CEP290: variants seen among roughly 807,000 people sequenced by gnomAD.
CEP290 encodes centrosomal protein 290.
Under a neutral mutation model 344.9 loss-of-function variants are expected in CEP290, and 317 were observed. That is an observed-to-expected ratio of 0.92 (90% CI 0.84 to 1.01). The LOEUF (loss-of-function observed/expected upper bound fraction) is 1.01. CEP290 is among the 50% of genes least tolerant of loss of function. The pLI is 0.00. For missense variants in CEP290, 2,754 were observed against 2,761.4 expected (o/e 1.00, Z 0.06); for synonymous variants, 932 against 895.8 (o/e 1.04, Z -0.72).
At chr12:88,138,373 A>G (rs1282748424) in intron 5 of CEP290, among the ~76,000 whole-genome samples, 1 of 152,228 alleles carries the variant, frequency 6.6e-6, no homozygotes, top group Non-Finnish European at 1.5e-5. Context: ...GTATTTATTG[A>G]AAGTGCTTGG....
At chr12:88,129,126 A>T (rs2039910781) in intron 10 of CEP290, 91 bp from the exon 11 acceptor site, 1 of 567,214 alleles carries the variant, frequency 1.8e-6, no homozygotes, top group Non-Finnish European at 2.8e-6. Flanking sequence ...ATATATATAA[A>T]TATATCTACA....
At chr12:88,087,742 A>AC in intron 32 of CEP290, 38 bp downstream of exon 32, 2 of 814,824 alleles carry the variant, frequency 2.5e-6, no homozygotes, top group Non-Finnish European at 3.4e-6. Context: ...AAAAAAAAAA[A>AC]ACTTAGGGAA....
chr12:88,072,102 C>A (rs1276829075), intron 41 of CEP290, among the ~76,000 whole-genome samples, 176 bp from the exon 42 acceptor site: 1 of 152,018 alleles, frequency 6.6e-6, no homozygotes, highest in Non-Finnish European at 1.5e-5. Flanking sequence ...TTGGAACCAG[C>A]CGTGTTTTAG....
intron 35 of CEP290, 80 bp from the exon 36 acceptor site, chr12:88,084,034 C>CT: frequency 1.2e-6 from 1 of 853,386 alleles, no homozygotes; most frequent in Non-Finnish European, 1.8e-6. Context: ...TATATTTTCT[C>CT]TTCAATCTTC....
intron 13 of CEP290, among the ~76,000 whole-genome samples, chr12:88,123,755 A>G (rs898138056): frequency 6.6e-6 from 1 of 152,066 alleles, no homozygotes; most frequent in Non-Finnish European, 1.5e-5. Flanking sequence ...GTTGTCCTAA[A>G]CCTTAAACTT....
At chr12:88,066,566 T>C (rs1052184817) in intron 44 of CEP290, among the ~76,000 whole-genome samples, 1 of 151,830 alleles carries the variant, frequency 6.6e-6, no homozygotes, top group Non-Finnish European at 1.5e-5. Flanking sequence ...CCTCCCAAAG[T>C]GCTGGGATTG....
chr12:88,062,739 T>G lies in CEP290; in HGVS notation c.6310A>C (p.Lys2104Gln). The stretch of plus-strand genomic sequence containing the variant: ...CGCTGAACTTCTGCTTTTTCTTTCT[T>G]AAGAAATTCACACATTTCCTTCAAA... ...RDLKEMCEFL[K>Q]KEKAEVQRKL... Residue 2104 changes from lysine (K) to glutamine (Q), a missense_variant, in exon 46 of 54, where the codon AAG becomes CAG. Transcript: ENST00000552810. 6.3e-7 allele frequency: 1 copy of G among 1,598,374 alleles called. No individual in the cohort carries two copies. Among genetic ancestry groups the G allele is most frequent in the Non-Finnish European group, 8.5e-7 (1 of 1,171,354 alleles).
intron 10 of CEP290, 93 bp downstream of exon 10, chr12:88,129,601 A>G: frequency 1.4e-6 from 1 of 709,534 alleles, no homozygotes; most frequent in Non-Finnish European, 2.2e-6. Flanking sequence ...ACAAAAATTC[A>G]CATCCTAGAA....
intron 52 of CEP290, 135 bp from the exon 53 acceptor site, chr12:88,050,568 A>T: frequency 1.9e-6 from 1 of 518,512 alleles, no homozygotes; most frequent in Non-Finnish European, 3.3e-6. Flanking sequence ...GTTATGGCTG[A>T]AATACTTCAG....
At chr12:88,126,740 G>A (rs887643620) in intron 11 of CEP290, among the ~76,000 whole-genome samples, 5 of 151,906 alleles carry the variant, frequency 3.3e-5, no homozygotes, top group African/African-American at 1.2e-4. Context: ...ATACAACTGT[G>A]AAAAGTTTTA....
chr12:88,108,956 G>T, intron 23 of CEP290, 110 bp downstream of exon 23: 1 of 476,596 alleles, frequency 2.1e-6, no homozygotes, highest in Non-Finnish European at 3.7e-6. Flanking sequence ...AAATACAATT[G>T]CAAAGGAAGA....
intron 51 of CEP290, 131 bp from the exon 52 acceptor site, chr12:88,053,877 C>G (rs1181169802): frequency 1.3e-5 from 7 of 518,900 alleles, no homozygotes; most frequent in Non-Finnish European, 2.0e-5. Flanking sequence ...AACATTTACT[C>G]TCAATGCTAC....
At chr12:88,083,799 T>C (rs2036366029) in intron 36 of CEP290, 48 bp downstream of exon 36, 2 of 1,201,320 alleles carry the variant, frequency 1.7e-6, no homozygotes, top group Admixed American at 2.7e-5. Context: ...TTAATTTACA[T>C]GGTCACAAAA....
intron 11 of CEP290, among the ~76,000 whole-genome samples, chr12:88,127,245 T>G (rs1303343471): frequency 6.6e-6 from 1 of 152,172 alleles, no homozygotes; most frequent in African/African-American, 2.4e-5. Flanking sequence ...TCCAGCACTT[T>G]GGGAGGCCCA....
At chr12:88,139,300 G>A (rs181470539) in intron 4 of CEP290, 109 bp from the exon 5 acceptor site, 1 of 559,704 alleles carries the variant, frequency 1.8e-6, no homozygotes, top group Admixed American at 3.8e-5. Context: ...AGTCCATCAT[G>A]ATTATAAGGT....
intron 41 of CEP290, among the ~76,000 whole-genome samples, chr12:88,076,805 G>A (rs1345527367): frequency 6.6e-6 from 1 of 151,954 alleles, no homozygotes; most frequent in African/African-American, 2.4e-5. Context: ...GATTAAAAAG[G>A]ACCTATTTGG....
intron 12 of CEP290, 150 bp from the exon 13 acceptor site, chr12:88,125,519 A>G (rs1373768688): frequency 8.8e-6 from 3 of 342,482 alleles, no homozygotes; most frequent in African/African-American, 2.1e-5. Flanking sequence ...GTACACTTCA[A>G]CTGTAATACA....
intron 15 of CEP290, among the ~76,000 whole-genome samples, chr12:88,118,952 C>T (rs1269272810): frequency 2.6e-5 from 4 of 152,094 alleles, no homozygotes; most frequent in African/African-American, 4.8e-5. Context: ...TAACAAAAAC[C>T]TAAATGAAAT....
At chr12:88,108,144 T>G (rs1333204227) in intron 23 of CEP290, among the ~76,000 whole-genome samples, 2 of 152,162 alleles carry the variant, frequency 1.3e-5, no homozygotes, top group Admixed American at 1.3e-4. Flanking sequence ...TTTGAAGTTG[T>G]GTAAGACACT....
Sources: gnomAD v4.1 joint callset for allele counts (sites outside exome capture counted in the v4.1 genomes callset) on GRCh38, gnomAD v4.1.1 for gene constraint, MANE v1.5 for transcripts, NCBI Gene and HGNC (gene_info 2026-07-23, HGNC 2026-07-21) for gene names.